LRRC4C: variants seen among roughly 807,000 people sequenced by gnomAD.
The protein encoded by LRRC4C is leucine-rich repeat-containing protein 4C.
Under a neutral mutation model 33.6 loss-of-function variants are expected in LRRC4C, and 5 were observed. The observed-to-expected ratio is 0.15, with a 90% confidence interval of 0.08 to 0.31. The LOEUF is 0.31. Among genes scored for constraint, LRRC4C ranks in the 10% least tolerant of loss-of-function variants. The pLI is 1.00. For synonymous variants in LRRC4C, 329 were observed against 302.0 expected, an observed-to-expected ratio of 1.09 and a Z score of -0.93; for missense variants, 560 against 796.7, an observed-to-expected ratio of 0.70 and a Z score of 3.58.
At chr11:40,283,319 C>T (rs1943605948) in intron 4 of LRRC4C, among the ~76,000 whole-genome samples, 2 of 152,220 alleles carry the variant, frequency 1.3e-5, no homozygotes, top group South Asian at 4.1e-4. Context: ...AATTAAATCA[C>T]CTTTGCTTTT....
intron 1 of LRRC4C, among the ~76,000 whole-genome samples, chr11:40,972,757 A>T (rs978285833): frequency 2.6e-5 from 4 of 152,186 alleles, no homozygotes; most frequent in Non-Finnish European, 4.4e-5. Flanking sequence ...GACTGCCCTC[A>T]TGATATAATC....
At chr11:40,936,385 T>C (rs1424921534) in intron 1 of LRRC4C, among the ~76,000 whole-genome samples, 7 of 146,428 alleles carry the variant, frequency 4.8e-5, no homozygotes, top group Non-Finnish European at 7.5e-5. Flanking sequence ...CTGCCCAGGC[T>C]GGAGTGCAGT....
At chr11:40,299,376 G>A (rs1006422417) in intron 4 of LRRC4C, among the ~76,000 whole-genome samples, 12 of 152,236 alleles carry the variant, frequency 7.9e-5, no homozygotes, top group African/African-American at 1.2e-4. Context: ...AGATTCCTGC[G>A]TGGACTCTGC....
At chr11:41,427,082 A>T (rs1228196186) in intron 1 of LRRC4C, among the ~76,000 whole-genome samples, 1 of 152,304 alleles carries the variant, frequency 6.6e-6, no homozygotes, top group East Asian at 1.9e-4. Context: ...GAAATGGTAT[A>T]GATGTACAGG....
At chr11:41,390,823 T>C (rs1344642131) in intron 1 of LRRC4C, among the ~76,000 whole-genome samples, 2 of 151,886 alleles carry the variant, frequency 1.3e-5, no homozygotes. Context: ...TAGCTTCATG[T>C]GGGCAAGGAC....
intron 1 of LRRC4C, among the ~76,000 whole-genome samples, chr11:41,029,814 T>C (rs1308523431): frequency 6.6e-6 from 1 of 151,858 alleles, no homozygotes; most frequent in African/African-American, 2.4e-5. Flanking sequence ...TCATTCAATA[T>C]ACGCTTGTTT....
At chr11:40,275,551 G>A (rs1363263557) in intron 4 of LRRC4C, among the ~76,000 whole-genome samples, 1 of 152,080 alleles carries the variant, frequency 6.6e-6, no homozygotes, top group Non-Finnish European at 1.5e-5. Flanking sequence ...AATAGCTGCA[G>A]GAAACCTTGA....
At chr11:40,177,528 C>G (rs1488360292) in intron 5 of LRRC4C, among the ~76,000 whole-genome samples, 1 of 152,108 alleles carries the variant, frequency 6.6e-6, no homozygotes, top group Non-Finnish European at 1.5e-5. Flanking sequence ...ATGAACCAGG[C>G]ATGCTCCCAC....
intron 1 of LRRC4C, among the ~76,000 whole-genome samples, chr11:41,349,006 T>C (rs1429522218): frequency 6.6e-6 from 1 of 152,194 alleles, no homozygotes; most frequent in African/African-American, 2.4e-5. Context: ...ATTCTTCTAG[T>C]TGGCTTTAGA....
At chr11:41,102,595 G>A (rs1050019557) in intron 1 of LRRC4C, among the ~76,000 whole-genome samples, 1 of 151,928 alleles carries the variant, frequency 6.6e-6, no homozygotes, top group African/African-American at 2.4e-5. Flanking sequence ...TTGGATTTTT[G>A]AGAAGTGGTT....
intron 2 of LRRC4C, among the ~76,000 whole-genome samples, chr11:40,888,115 G>A (rs1210545025): frequency 2.0e-5 from 3 of 151,846 alleles, no homozygotes; most frequent in Non-Finnish European, 4.4e-5. Flanking sequence ...TGTTAGTTAA[G>A]TAGCTTAAAA....
intron 1 of LRRC4C, among the ~76,000 whole-genome samples, chr11:41,343,224 C>A (rs543595946): frequency 6.6e-6 from 1 of 152,304 alleles, no homozygotes; most frequent in Non-Finnish European, 1.5e-5. Flanking sequence ...ATTCAACCCA[C>A]AGTACCAATG....
At chr11:40,480,375 AAAT>A (rs1953486911) in intron 3 of LRRC4C, among the ~76,000 whole-genome samples, 5 of 151,488 alleles carry the variant, frequency 3.3e-5, no homozygotes, top group East Asian at 3.9e-4. Flanking sequence ...AAAAATAAAT[AAAT>A]AAATAAAACA....
chr11:40,858,016 A>AGGGAAGGGAAG (rs1953882086), intron 2 of LRRC4C, among the ~76,000 whole-genome samples: 1 of 139,132 alleles, frequency 7.2e-6, no homozygotes, highest in Non-Finnish European at 1.5e-5. Flanking sequence ...GGACAAGGAA[A>AGGGAAGGGAAG]GGAAGGGAAG....
At chr11:40,480,912 CT>C (rs1953524432) in intron 3 of LRRC4C, among the ~76,000 whole-genome samples, 1 of 151,838 alleles carries the variant, frequency 6.6e-6, no homozygotes, top group African/African-American at 2.4e-5. Context: ...AAGAATGGTG[CT>C]TTTCAGGGCC....
intron 2 of LRRC4C, among the ~76,000 whole-genome samples, chr11:40,728,658 T>C (rs1947409542): frequency 1.3e-5 from 2 of 148,382 alleles, no homozygotes; most frequent in South Asian, 2.1e-4. Flanking sequence ...ATTCATGTTA[T>C]CAAAAAGACA....
intron 1 of LRRC4C, among the ~76,000 whole-genome samples, chr11:41,339,836 A>C (rs1951573037): frequency 6.6e-6 from 1 of 152,174 alleles, no homozygotes; most frequent in African/African-American, 2.4e-5. Context: ...ATAACATCAG[A>C]AGATATCCAA....
chr11:41,379,796 T>C (rs773499136), intron 1 of LRRC4C, among the ~76,000 whole-genome samples: 2 of 152,130 alleles, frequency 1.3e-5, no homozygotes, highest in East Asian at 3.9e-4. Context: ...GAATACTGCA[T>C]TGAAATAATT....
At chr11:40,420,313 C>T (rs1243381345) in intron 3 of LRRC4C, among the ~76,000 whole-genome samples, 2 of 152,164 alleles carry the variant, frequency 1.3e-5, no homozygotes, top group Admixed American at 6.5e-5. Flanking sequence ...GCAGGCCTGC[C>T]TCTGGAAGAC....
Sources: allele counts gnomAD v4.1 joint callset (sites outside exome capture counted in the v4.1 genomes callset), GRCh38; gene constraint gnomAD v4.1.1; transcripts MANE v1.5; gene names NCBI Gene and HGNC (gene_info 2026-07-23, HGNC 2026-07-21).